Variants in MAML2 observed in about 807,000 individuals in gnomAD.
The protein encoded by MAML2 is mastermind like transcriptional coactivator 2.
MAML2 carries 22 observed loss-of-function variants against 96.1 expected under a neutral mutation model. The ratio of observed to expected loss-of-function variants is 0.23; its 90% CI spans 0.16 to 0.33. The LOEUF (loss-of-function observed/expected upper bound fraction) is 0.33, where lower values mean the gene tolerates loss of function less well. MAML2 is among the 10% of genes least tolerant of loss of function. MAML2 has a pLI of 1.00. For synonymous variants in MAML2, 561 were observed against 521.3 expected (o/e 1.08, Z -1.04); for missense variants, 1,367 against 1,392.4 (o/e 0.98, Z 0.29).
intron 1 of MAML2, among the ~76,000 whole-genome samples, chr11:96,279,878 A>G (rs1318037288): frequency 6.6e-6 from 1 of 152,170 alleles, no homozygotes; most frequent in East Asian, 1.9e-4. Flanking sequence ...TTTATAATGG[A>G]GTTTTTCTGC....
At chr11:96,026,790 G>C (rs1374555812) in intron 2 of MAML2, among the ~76,000 whole-genome samples, 1 of 147,196 alleles carries the variant, frequency 6.8e-6, no homozygotes, top group African/African-American at 2.5e-5. Flanking sequence ...ACATGAGAAG[G>C]ACTAAGATGG....
chr11:95,985,292 T>C (rs1857807865), intron 4 of MAML2, among the ~76,000 whole-genome samples: 1 of 152,238 alleles, frequency 6.6e-6, no homozygotes, highest in South Asian at 2.1e-4. Context: ...TTTAGCTCTT[T>C]TGAATTCTCA....
At chr11:96,222,537 A>G (rs1469784857) in intron 1 of MAML2, among the ~76,000 whole-genome samples, 1 of 152,136 alleles carries the variant, frequency 6.6e-6, no homozygotes, top group African/African-American at 2.4e-5. Context: ...AAGACAAATT[A>G]ATTAACTTGT....
At position 96,006,123 on chromosome 11, in the gene MAML2, A is replaced by G. The variant is rs186349768; in HGVS notation, c.2140-14400T>C. The stretch of plus-strand genomic sequence containing the variant: ...AAAGGAGCCATCTGTTCTCTGTTAA[A>G]TGTAGCTATGAAGTCTCTCTTGGAT... On this transcript the variant is annotated intron_variant, in intron 2 of 4. Transcript: ENST00000524717. Among the ~76,000 whole-genome samples, 949 of 152,282 alleles carry G rather than the reference A, an allele frequency of 6.2e-3. 3 individuals carry two copies. Among genetic ancestry groups the G allele is most frequent in the Admixed American group, 9.5e-3 (145 of 15,298 alleles).
At chr11:96,033,030 T>C (rs535205562) in intron 2 of MAML2, among the ~76,000 whole-genome samples, 5 of 152,236 alleles carry the variant, frequency 3.3e-5, no homozygotes, top group Admixed American at 6.5e-5. Flanking sequence ...GCATGTAAAT[T>C]ATAGCTTAAT....
At chr11:96,287,321 G>A (rs962401784) in intron 1 of MAML2, among the ~76,000 whole-genome samples, 1 of 152,222 alleles carries the variant, frequency 6.6e-6, no homozygotes, top group Non-Finnish European at 1.5e-5. Context: ...TGGTAACTAA[G>A]AGGCCCTTTG....
At chr11:96,048,461 T>C (rs1469231516) in intron 2 of MAML2, among the ~76,000 whole-genome samples, 2 of 152,212 alleles carry the variant, frequency 1.3e-5, no homozygotes, top group Non-Finnish European at 2.9e-5. Flanking sequence ...ATACAACTAA[T>C]TTTTTGCACT....
intron 2 of MAML2, among the ~76,000 whole-genome samples, chr11:96,017,952 A>G (rs1858381471): frequency 6.6e-6 from 1 of 152,192 alleles, no homozygotes; most frequent in African/African-American, 2.4e-5. Context: ...ATGACATGAT[A>G]TATGTTTTAA....
intron 1 of MAML2, among the ~76,000 whole-genome samples, chr11:96,153,703 A>G (rs1214520617): frequency 1.3e-5 from 2 of 152,042 alleles, no homozygotes; most frequent in East Asian, 3.9e-4. Context: ...TGAGGTCAGG[A>G]GTTCAAGACC....
chr11:96,226,718 A>T (rs1281984096), intron 1 of MAML2, among the ~76,000 whole-genome samples: 1 of 152,216 alleles, frequency 6.6e-6, no homozygotes, highest in Non-Finnish European at 1.5e-5. Flanking sequence ...CATATCAGCT[A>T]AAAGCAACTA....
At chr11:96,251,456 T>C (rs514772) in intron 1 of MAML2, among the ~76,000 whole-genome samples, 14,399 of 152,254 alleles carry the variant, frequency 0.095, 947 homozygotes, top group East Asian at 0.2. Flanking sequence ...CAAATTCTTG[T>C]TTTATAACTG....
intron 1 of MAML2, among the ~76,000 whole-genome samples, chr11:96,128,882 A>G (rs1398994056): frequency 6.6e-6 from 1 of 152,226 alleles, no homozygotes; most frequent in Non-Finnish European, 1.5e-5. Context: ...TGACGAAAAA[A>G]GTATAGAGTA....
chr11:96,284,280 A>G (rs1178757349), intron 1 of MAML2, among the ~76,000 whole-genome samples: 2 of 152,226 alleles, frequency 1.3e-5, no homozygotes, highest in East Asian at 3.8e-4. Context: ...CTGAATATGA[A>G]TCCTCTCCAG....
At chr11:96,170,500 A>C (rs1861270686) in intron 1 of MAML2, among the ~76,000 whole-genome samples, 1 of 152,230 alleles carries the variant, frequency 6.6e-6, no homozygotes, top group South Asian at 2.1e-4. Flanking sequence ...AGAAAATTGA[A>C]GGTAGCTCAA....
chr11:96,024,444 C>A (rs542020731), intron 2 of MAML2, among the ~76,000 whole-genome samples: 2 of 152,340 alleles, frequency 1.3e-5, no homozygotes, highest in East Asian at 3.9e-4. Flanking sequence ...AAGTTCTAAA[C>A]AAATGTTAGC....
At chr11:96,238,734 G>A (rs569959380) in intron 1 of MAML2, among the ~76,000 whole-genome samples, 1 of 152,328 alleles carries the variant, frequency 6.6e-6, no homozygotes, top group Admixed American at 6.5e-5. Context: ...CAAGTGTCTG[G>A]TATGAACAGA....
intron 2 of MAML2, among the ~76,000 whole-genome samples, chr11:95,996,181 T>C (rs1037058797): frequency 5.3e-5 from 8 of 152,194 alleles, no homozygotes; most frequent in Non-Finnish European, 1.2e-4. Context: ...TACTCTGTGC[T>C]AGGCAGTTTT....
chr11:96,189,853 T>C (rs142585592), intron 1 of MAML2, among the ~76,000 whole-genome samples: 1 of 152,346 alleles, frequency 6.6e-6, no homozygotes, highest in African/African-American at 2.4e-5. Context: ...TTTTATTCAG[T>C]TGGCTTAATT....
At chr11:96,216,489 T>G (rs953720634) in intron 1 of MAML2, among the ~76,000 whole-genome samples, 1 of 152,232 alleles carries the variant, frequency 6.6e-6, no homozygotes, top group African/African-American at 2.4e-5. Context: ...TTGGTACCAT[T>G]AAATTTGTAG....
Sources: allele counts gnomAD v4.1 joint callset (sites outside exome capture counted in the v4.1 genomes callset), GRCh38; gene constraint gnomAD v4.1.1; transcripts MANE v1.5; gene names NCBI Gene and HGNC (gene_info 2026-07-23, HGNC 2026-07-21).